Variants in PAK2 observed in about 807,000 individuals in gnomAD.
PAK2 encodes the protein p21 (RAC1) activated kinase 2.
A neutral mutation model predicts 65.9 loss-of-function variants in PAK2; 21 were observed. The ratio of observed to expected loss-of-function variants is 0.32; its 90% confidence interval spans 0.23 to 0.46. The LOEUF (loss-of-function observed/expected upper bound fraction) is 0.46. Ranked by LOEUF, PAK2 falls within the 20% of genes least tolerant of loss-of-function variation. The pLI is 1.00. For missense variants in PAK2, 324 were observed against 642.6 expected (o/e 0.50, Z 5.36); for synonymous variants, 204 against 219.7 (o/e 0.93, Z 0.63).
chr3:196,747,109 GTTTT>G (rs200163439), intron 1 of PAK2: 1 of 146,492 alleles, frequency 6.8e-6, no homozygotes, highest in Non-Finnish European at 1.5e-5. Flanking sequence ...TATTGTATTG[GTTTT>G]TTTTTGTTTG....
At chr3:196,789,482 C>CTTTTTTTT (rs60083205) in intron 2 of PAK2, among the ~76,000 whole-genome samples, 9,747 of 150,434 alleles carry the variant, frequency 0.065, 496 homozygotes, top group African/African-American at 0.14. Context: ...TTTCTTTTTT[C>CTTTTTTTT]TTTTTTGTTT....
intron 1 of PAK2, among the ~76,000 whole-genome samples, chr3:196,780,565 A>G (rs1714675000): frequency 6.6e-6 from 1 of 152,242 alleles, no homozygotes; most frequent in Non-Finnish European, 1.5e-5. Context: ...GGTCCCTTCC[A>G]TAACATGTGG....
chr3:196,740,453 T>C (rs1210119284), intron 1 of PAK2, among the ~76,000 whole-genome samples: 2 of 152,066 alleles, frequency 1.3e-5, no homozygotes, highest in East Asian at 3.9e-4. Flanking sequence ...CCACGGTCTC[T>C]GCCGACTCTC....
At chr3:196,805,894 TTTTATTTA>T (rs1251404004) in intron 5 of PAK2, among the ~76,000 whole-genome samples, 1 of 150,758 alleles carries the variant, frequency 6.6e-6, no homozygotes, top group African/African-American at 2.4e-5. Context: ...TTTTATTTTA[TTTTATTTA>T]TTTATTTATT....
chr3:196,826,364 G>A (rs1291440453), intron 13 of PAK2, among the ~76,000 whole-genome samples: 1 of 151,828 alleles, frequency 6.6e-6, no homozygotes, highest in Admixed American at 6.6e-5. Context: ...AGTAGAGACA[G>A]GGTTTCACCA....
Position 196,827,224 on chromosome 3 carries a change from C to A in PAK2, c.1379C>A (p.Thr460Asn). Residue 460 changes from threonine to asparagine, a missense_variant, in exon 14 of 15, where the codon ACC becomes AAC. Thr to Asn is a moderately conservative substitution (Grantham distance 65). Coordinates refer to ENST00000327134, the MANE Select transcript of PAK2 (RefSeq NM_002577.4). ...RALYLIATNG[T>N]PELQNPEKLS... is the part of the protein sequence containing the mutation. ...TTGTACCTAATAGCAACTAATGGAA[C>A]CCCAGAACTTCAGAATCCAGAGAAA... The A allele has an allele frequency of 1.2e-6, 2 of 1,608,574 alleles. No homozygotes were observed. The highest frequency in any genetic ancestry group is 1.7e-6 in the Non-Finnish European group (2 of 1,175,678).
At chr3:196,789,305 G>C (rs550489588) in intron 2 of PAK2, among the ~76,000 whole-genome samples, 14 of 152,080 alleles carry the variant, frequency 9.2e-5, no homozygotes, top group Non-Finnish European at 1.5e-4. Context: ...CAACCTATAA[G>C]CACCTTCACT....
At chr3:196,811,266 T>TTCCCTTCCTTCCCTTCCTTCCCTTCCC (rs1715795155) in intron 8 of PAK2, among the ~76,000 whole-genome samples, 1 of 11,270 alleles carries the variant, frequency 8.9e-5, no homozygotes. Flanking sequence ...CCTCCCTTCC[T>TTCCCTTCCTTCCCTTCCTTCCCTTCCC]TCCCTTCCCT....
At chr3:196,741,543 C>T (rs2108701318) in intron 1 of PAK2, among the ~76,000 whole-genome samples, 1 of 152,334 alleles carries the variant, frequency 6.6e-6, no homozygotes. Context: ...TTGATTGACA[C>T]TTATTACGGA....
At chr3:196,784,198 T>C (rs963329458) in intron 2 of PAK2, among the ~76,000 whole-genome samples, 1 of 150,662 alleles carries the variant, frequency 6.6e-6, no homozygotes, top group African/African-American at 2.4e-5. Context: ...GCATTGTTTT[T>C]GGTTTTGTTT....
intron 5 of PAK2, among the ~76,000 whole-genome samples, chr3:196,805,987 C>A (rs1191278386): frequency 6.6e-6 from 1 of 151,874 alleles, no homozygotes; most frequent in African/African-American, 2.4e-5. Context: ...TCTTGGCTCA[C>A]TGCACGCACC....
At chr3:196,810,731 C>T (rs1159689360) in intron 8 of PAK2, 78 bp downstream of exon 8, 3 of 785,082 alleles carry the variant, frequency 3.8e-6, no homozygotes, top group Admixed American at 1.9e-5. Flanking sequence ...TTTATTTTGC[C>T]TGCCGACATC....
chr3:196,740,671 A>G (rs1447843179), intron 1 of PAK2, among the ~76,000 whole-genome samples: 1 of 151,992 alleles, frequency 6.6e-6, no homozygotes, highest in African/African-American at 2.4e-5. Context: ...CCTCTTTTCC[A>G]CATTCCACAT....
In PAK2 at chr3:196,790,638, C is replaced by T. The variant is rs1327015874; in HGVS notation, c.187+7805C>T. Reference sequence around the variant, plus strand: ...CGTCCCGCAGACCCTGACCCAATGACGGATGAATAACTTACACTGACACAG... The same window carrying T: ...CGTCCCGCAGACCCTGACCCAATGATGGATGAATAACTTACACTGACACAG... On this transcript the variant is annotated intron_variant, in intron 2 of 14. Transcript: ENST00000327134. Among the ~76,000 whole-genome samples the T allele has an allele frequency of 6.6e-5, 10 of 152,176 alleles. No homozygotes were observed. The South Asian group carries it at 8.3e-4, about 13-fold the overall frequency.
chr3:196,742,327 A>G (rs1577689559), intron 1 of PAK2, among the ~76,000 whole-genome samples: 1 of 152,164 alleles, frequency 6.6e-6, no homozygotes, highest in Non-Finnish European at 1.5e-5. Context: ...ACCTCAGGTC[A>G]TCTGCCCGCC....
rs1560122228 is a variant in PAK2, at chr3:196,829,077, G to T, written c.*672G>T. Reference sequence around the variant, plus strand: ...AAAAGTCAGTTTTAGAAATTTCGTGGTAGTAAGTTCGGCATTTGTTACATG... The same window carrying T: ...AAAAGTCAGTTTTAGAAATTTCGTGTTAGTAAGTTCGGCATTTGTTACATG... On this transcript the variant is annotated 3_prime_UTR_variant, in exon 15 of 15. Coordinates refer to ENST00000327134, the MANE Select transcript of PAK2 (RefSeq NM_002577.4). The T allele has an allele frequency of 1.3e-5, 2 of 152,656 alleles. No homozygotes were observed. The highest frequency in any genetic ancestry group is 2.9e-5 in the Non-Finnish European group (2 of 68,062). 9.5% of individuals were successfully genotyped at this position (152,656 alleles called of 1,614,324 possible).
intron 1 of PAK2, among the ~76,000 whole-genome samples, chr3:196,751,295 A>G (rs1450289052): frequency 6.6e-6 from 1 of 152,128 alleles, no homozygotes; most frequent in African/African-American, 2.4e-5. Context: ...ACATGACATC[A>G]CAAGTGGAAA....
intron 8 of PAK2, among the ~76,000 whole-genome samples, chr3:196,811,299 C>CCCTCCCTT (rs1715802432): frequency 5.6e-5 from 2 of 35,756 alleles, no homozygotes; most frequent in African/African-American, 2.5e-4. Flanking sequence ...TTCCCTCCCT[C>CCCTCCCTT]CCTTCCTTCC....
In PAK2 at chr3:196,791,796, C is replaced by A. The variant is rs1236179459; in HGVS notation, c.187+8963C>A. ...AAAGTTAGCCAGGCGTGGTGGCGGG[C>A]CCCTGTAGTCCCAGCTACTCGGGAG... On this transcript the variant is annotated intron_variant, in intron 2 of 14. Coordinates refer to ENST00000327134, the MANE Select transcript of PAK2 (RefSeq NM_002577.4). This position sits in a 1 kb window ranked among gnomAD's most constrained non-coding sequence, Gnocchi z 4.0. Among the ~76,000 whole-genome samples the A allele has an allele frequency of 6.6e-6, 1 of 152,016 alleles. No individual in the cohort carries two copies. The highest frequency in any genetic ancestry group is 1.5e-5 in the Non-Finnish European group (1 of 67,992).
Sources: gnomAD v4.1 joint callset for allele counts (sites outside exome capture counted in the v4.1 genomes callset) on GRCh38, gnomAD v4.1.1 for gene constraint, Gnocchi (gnomAD v3.1) non-coding constraint, MANE v1.5 for transcripts, NCBI Gene and HGNC (gene_info 2026-07-23, HGNC 2026-07-21) for gene names.